SUSD5: variants seen among roughly 807,000 people sequenced by gnomAD.
SUSD5 encodes sushi domain-containing protein 5.
In SUSD5, 33 loss-of-function variants were observed where a neutral mutation model predicts 29.5. The ratio of observed to expected loss-of-function variants is 1.12; its 90% confidence interval spans 0.85 to 1.49. SUSD5 has a LOEUF of 1.49. Ranked by LOEUF, SUSD5 falls within the 40% of genes most tolerant of loss-of-function variation. The pLI is 0.00. For missense variants in SUSD5, 776 were observed against 800.6 expected (o/e 0.97, Z 0.37); for synonymous variants, 308 against 325.3 (o/e 0.95, Z 0.57).
chr3:33,198,945 AC>A, intron 3 of SUSD5, among the ~76,000 whole-genome samples: 1 of 152,306 alleles, frequency 6.6e-6, no homozygotes, highest in Middle Eastern at 3.4e-3. Context: ...AACATGGTGC[AC>A]CCAAAATATT....
chr3:33,184,804 T>C (rs1484548103), intron 3 of SUSD5, among the ~76,000 whole-genome samples: 1 of 152,256 alleles, frequency 6.6e-6, no homozygotes, highest in Non-Finnish European at 1.5e-5. Flanking sequence ...TCTGTTCTTG[T>C]ATGTCATCTA....
At position 33,174,880 on chromosome 3, in the gene SUSD5, G is replaced by A. The variant is rs199780818; in HGVS notation, c.598+6C>T. The A allele has an allele frequency of 6.2e-7, 1 of 1,613,708 alleles. No homozygotes were observed. Among genetic ancestry groups the A allele is most frequent in the East Asian group, 2.2e-5 (1 of 44,868 alleles). On this transcript the variant is annotated splice_donor_region_variant and intron_variant, in intron 4 of 4. Transcript: ENST00000309558. ...CGCGAAGGTGGCCCATCCCTGGGCT[G>A]CTTACCTTTCCCACAGGCCTGCACC...
At chr3:33,181,174 A>C (rs1461802269) in intron 3 of SUSD5, among the ~76,000 whole-genome samples, 2 of 152,050 alleles carry the variant, frequency 1.3e-5, no homozygotes, top group Admixed American at 6.6e-5. Context: ...TGATGAAAAA[A>C]TATTTTCATA....
chr3:33,186,250 C>T (rs1287023794), intron 3 of SUSD5, among the ~76,000 whole-genome samples: 3 of 150,478 alleles, frequency 2.0e-5, no homozygotes, highest in Non-Finnish European at 3.0e-5. Flanking sequence ...TGCAGTGAGC[C>T]GAGATTGCGC....
chr3:33,175,169 C>T (rs1468614917), intron 3 of SUSD5, 95 bp from the exon 4 acceptor site: 3 of 1,308,116 alleles, frequency 2.3e-6, no homozygotes, highest in Non-Finnish European at 3.2e-6. Flanking sequence ...TCCCCTGCCG[C>T]CCACCGTACC....
chr3:33,192,872 C>G (rs1274172609), intron 3 of SUSD5, among the ~76,000 whole-genome samples: 2 of 151,956 alleles, frequency 1.3e-5, no homozygotes, highest in African/African-American at 4.8e-5. Context: ...TATTCATAAC[C>G]AATTAGCCTA....
At chr3:33,175,492 C>T (rs965571789) in intron 3 of SUSD5, among the ~76,000 whole-genome samples, 2 of 152,040 alleles carry the variant, frequency 1.3e-5, no homozygotes, top group East Asian at 1.9e-4. Context: ...CCCTTCCCCG[C>T]CCACAACCTC....
chr3:33,189,998 G>C (rs2031859677), intron 3 of SUSD5, among the ~76,000 whole-genome samples: 1 of 152,130 alleles, frequency 6.6e-6, no homozygotes, highest in Admixed American at 6.5e-5. Flanking sequence ...ATCTTTAAAA[G>C]GGGAATAGTG....
chr3:33,206,873 A>G (rs1369896051), intron 3 of SUSD5, among the ~76,000 whole-genome samples: 1 of 152,182 alleles, frequency 6.6e-6, no homozygotes, highest in African/African-American at 2.4e-5. Flanking sequence ...CAGAATCTTT[A>G]GCGCTGGCAC....
intron 3 of SUSD5, among the ~76,000 whole-genome samples, chr3:33,187,822 G>T (rs1425206079): frequency 2.0e-5 from 2 of 98,486 alleles, no homozygotes; most frequent in African/African-American, 8.5e-5. Flanking sequence ...CCCCACAACA[G>T]GCCCCGGTGT....
intron 3 of SUSD5, among the ~76,000 whole-genome samples, chr3:33,193,789 C>T (rs1003095026): frequency 1.3e-5 from 2 of 152,136 alleles, no homozygotes; most frequent in Non-Finnish European, 2.9e-5. Context: ...AAACTGCCCT[C>T]GTTCATTCCT....
intron 3 of SUSD5, among the ~76,000 whole-genome samples, chr3:33,180,370 A>AT (rs59072555): frequency 0.15 from 23,166 of 152,118 alleles, 2,005 homozygotes; most frequent in South Asian, 0.26. Flanking sequence ...GTTAAAAAAA[A>AT]ATTTTTTTGA....
At chr3:33,207,663 A>C (rs1457423787) in intron 3 of SUSD5, 145 bp downstream of exon 3, 1 of 567,570 alleles carries the variant, frequency 1.8e-6, no homozygotes, top group African/African-American at 1.9e-5. Flanking sequence ...TCCCCACCGC[A>C]CTATTGGCTT....
intron 3 of SUSD5, among the ~76,000 whole-genome samples, chr3:33,186,163 G>A (rs538924682): frequency 3.4e-4 from 52 of 151,980 alleles, no homozygotes; most frequent in African/African-American, 1.2e-3. Context: ...TTAGCTGGGC[G>A]TGGTGGCAGG....
At chr3:33,205,183 T>A (rs540503493) in intron 3 of SUSD5, among the ~76,000 whole-genome samples, 5 of 152,328 alleles carry the variant, frequency 3.3e-5, no homozygotes, top group African/African-American at 4.8e-5. Context: ...TCAGAAAATT[T>A]AAACGTTGAT....
At chr3:33,218,013 A>G (rs2125635717) in intron 1 of SUSD5, among the ~76,000 whole-genome samples, 1 of 152,364 alleles carries the variant, frequency 6.6e-6, no homozygotes, top group Non-Finnish European at 1.5e-5. Context: ...TTCAGGCTGA[A>G]AAACCAAGCA....
intron 3 of SUSD5, among the ~76,000 whole-genome samples, chr3:33,184,542 T>C (rs1388019449): frequency 6.6e-6 from 1 of 152,218 alleles, no homozygotes; most frequent in Non-Finnish European, 1.5e-5. Flanking sequence ...CTCCTTCTGA[T>C]ACTTCCATTA....
intron 3 of SUSD5, among the ~76,000 whole-genome samples, chr3:33,202,657 C>T (rs2032142801): frequency 6.6e-6 from 1 of 152,184 alleles, no homozygotes; most frequent in South Asian, 2.1e-4. Context: ...ACCCCACAGA[C>T]AAGCTGCCAA....
intron 1 of SUSD5, among the ~76,000 whole-genome samples, chr3:33,218,057 C>A (rs1462195570): frequency 6.6e-6 from 1 of 152,240 alleles, no homozygotes. Flanking sequence ...CTCAGAGAAC[C>A]TGCCATAATC....
Sources: allele counts gnomAD v4.1 joint callset (sites outside exome capture counted in the v4.1 genomes callset), GRCh38; gene constraint gnomAD v4.1.1; transcripts MANE v1.5; gene names NCBI Gene and HGNC (gene_info 2026-07-23, HGNC 2026-07-21).